The following MATN2 variants were observed in gnomAD, a reference collection of about 807,000 sequenced individuals.
MATN2 encodes matrilin 2, also known as matrilin-2.
A neutral mutation model predicts 103.2 loss-of-function variants in MATN2; 69 were observed. The observed-to-expected ratio is 0.67, with a 90% CI of 0.55 to 0.82. MATN2 has a LOEUF of 0.82. MATN2 is among the 40% of genes least tolerant of loss of function. The pLI is 0.00. For synonymous variants in MATN2, 429 were observed against 450.2 expected (o/e 0.95, Z 0.60); for missense variants, 1,023 against 1,211.5 (o/e 0.84, Z 2.31).
At position 98,007,601 on chromosome 8, in the gene MATN2, A is replaced by C; in HGVS notation, c.1573A>C (p.Lys525Gln). ...VLRSDGKTCA[K>Q]LDSCALGDHG... is the part of the protein sequence containing the mutation. Reference sequence around the variant, plus strand: ...CCGCAGCGATGGGAAGACGTGTGCAAGTAAGTGTCTGAAGGACAAGCAGGA... The same window carrying C: ...CCGCAGCGATGGGAAGACGTGTGCACGTAAGTGTCTGAAGGACAAGCAGGA... Residue 525 changes from lysine to glutamine, a missense_variant and splice_region_variant, in exon 10 of 19, where the codon AAA becomes CAA. Transcript: ENST00000254898. This position sits in a 1 kb window ranked among gnomAD's most constrained non-coding sequence, Gnocchi z 4.2. 1.2e-6 allele frequency: 2 copies of C among 1,609,034 alleles called. No individual in the cohort carries two copies. Among genetic ancestry groups the C allele is most frequent in the Non-Finnish European group, 1.7e-6 (2 of 1,175,852 alleles).
chr8:97,953,272 G>A (rs1403050871), intron 4 of MATN2, among the ~76,000 whole-genome samples: 1 of 152,114 alleles, frequency 6.6e-6, no homozygotes, highest in Non-Finnish European at 1.5e-5. Context: ...GCAAAATTTG[G>A]TTGAAGTTCA....
At chr8:97,949,796 C>T (rs1810884179) in intron 4 of MATN2, among the ~76,000 whole-genome samples, 1 of 152,216 alleles carries the variant, frequency 6.6e-6, no homozygotes, top group Non-Finnish European at 1.5e-5. Flanking sequence ...GCAATACACG[C>T]ATCCTGTATA....
At chr8:98,032,182 C>T in intron 15 of MATN2, 64 bp from the exon 16 acceptor site, 1 of 1,360,210 alleles carries the variant, frequency 7.4e-7, no homozygotes, top group East Asian at 2.4e-5. Context: ...GGACCAGCTT[C>T]CTGAAGAACA....
intron 2 of MATN2, among the ~76,000 whole-genome samples, chr8:97,889,488 T>TATATATATAA (rs1347479451): frequency 7.5e-6 from 1 of 133,356 alleles, no homozygotes; most frequent in African/African-American, 2.8e-5. Flanking sequence ...TATATATATA[T>TATATATATAA]AAAACTGATG....
At chr8:98,019,640 T>C (rs751778474) in intron 12 of MATN2, among the ~76,000 whole-genome samples, 10 of 152,162 alleles carry the variant, frequency 6.6e-5, no homozygotes, top group Non-Finnish European at 1.2e-4. Flanking sequence ...AACAGAGGGA[T>C]GTCATACGAG....
At chr8:97,911,215 A>G (rs1809419340) in intron 2 of MATN2, among the ~76,000 whole-genome samples, 1 of 150,820 alleles carries the variant, frequency 6.6e-6, no homozygotes, top group African/African-American at 2.4e-5. Context: ...CTGCTCTCGA[A>G]CTCCTGACCT....
chr8:97,894,153 T>TG (rs1563650793), intron 2 of MATN2, among the ~76,000 whole-genome samples: 1 of 152,084 alleles, frequency 6.6e-6, no homozygotes, highest in Non-Finnish European at 1.5e-5. Flanking sequence ...CCCTGCAGTC[T>TG]GGTCAGGGGA....
chr8:97,942,563 G>C (rs1468185851), intron 4 of MATN2, among the ~76,000 whole-genome samples: 1 of 152,174 alleles, frequency 6.6e-6, no homozygotes, highest in Non-Finnish European at 1.5e-5. Flanking sequence ...ACTTTTTAAA[G>C]TTATGGATAA....
intron 1 of MATN2, among the ~76,000 whole-genome samples, 177 bp downstream of exon 1, chr8:97,869,464 CAG>C (rs1009296115): frequency 6.6e-6 from 1 of 152,014 alleles, no homozygotes. Flanking sequence ...CCTCCGAGGA[CAG>C]GGGGAGAGGG....
intron 2 of MATN2, among the ~76,000 whole-genome samples, chr8:97,892,005 G>A (rs1818649457): frequency 6.6e-6 from 1 of 152,032 alleles, no homozygotes; most frequent in South Asian, 2.1e-4. Context: ...GGGAGGCTGA[G>A]GTGGGCAGAT....
Position 98,033,596 on chromosome 8 carries a change from T to G in MATN2, c.2752T>G (p.Cys918Gly). 6.2e-7 allele frequency: 1 copy of G among 1,606,092 alleles called. No individual in the cohort carries two copies. The highest frequency in any genetic ancestry group is 8.5e-7 in the Non-Finnish European group (1 of 1,176,556). ...PLEEKHDQCK[C>G]ENLIMFQNLA... ...GGAAGAAAAACACGATCAATGCAAA[T>G]GTGAAAACCTTATAATGTTCCAGAA... Residue 918 changes from cysteine (C) to glycine (G), a missense_variant, in exon 18 of 19, where the codon TGT (cysteine) becomes GGT (glycine). Transcript: ENST00000254898.
At chr8:97,990,674 G>A (rs1812363238) in intron 6 of MATN2, among the ~76,000 whole-genome samples, 1 of 152,014 alleles carries the variant, frequency 6.6e-6, no homozygotes, top group African/African-American at 2.4e-5. Context: ...ATATGAATCT[G>A]GATGAATCTC....
intron 4 of MATN2, among the ~76,000 whole-genome samples, chr8:97,958,033 G>A (rs1235954353): frequency 1.3e-5 from 2 of 152,184 alleles, no homozygotes; most frequent in South Asian, 4.1e-4. Flanking sequence ...ACCCTGTGCA[G>A]GGAAGCCTTT....
intron 2 of MATN2, among the ~76,000 whole-genome samples, chr8:97,895,945 T>C (rs951296468): frequency 9.2e-5 from 14 of 152,212 alleles, no homozygotes; most frequent in African/African-American, 3.4e-4. Context: ...GGGGCAGATA[T>C]GCGTTGGAGC....
intron 1 of MATN2, among the ~76,000 whole-genome samples, chr8:97,884,695 C>A (rs1380389194): frequency 6.6e-6 from 1 of 152,036 alleles, no homozygotes; most frequent in Non-Finnish European, 1.5e-5. Context: ...TGCTTGAACC[C>A]AGGAGGCAGA....
intron 1 of MATN2, among the ~76,000 whole-genome samples, chr8:97,871,524 G>A (rs1817898706): frequency 1.3e-5 from 2 of 152,306 alleles, no homozygotes; most frequent in South Asian, 2.1e-4. Context: ...CTGCAGGAGC[G>A]TCCCTTCCAG....
chr8:97,931,350 G>A lies in MATN2; in HGVS notation c.540G>A (p.Val180=), dbSNP rs763421246. Residue 180 remains valine, a synonymous_variant, in exon 3 of 19, where the codon GTG becomes GTA. Transcript: ENST00000254898. This position sits in a 1 kb window ranked among gnomAD's most constrained non-coding sequence, Gnocchi z 4.1. ...GACCTCAGGACTCCGTGGCCGAGGTGGCTGCTAAGGCACGGGACACGGGCA... is the reference window on the plus strand; with the variant it reads ...GACCTCAGGACTCCGTGGCCGAGGTAGCTGCTAAGGCACGGGACACGGGCA... ...DGRPQDSVAE[V]AAKARDTGIL... The A allele has an allele frequency of 4.0e-5, 64 of 1,613,810 alleles. No individual in the cohort carries two copies. The highest frequency in any genetic ancestry group is 1.3e-5 in the Non-Finnish European group (15 of 1,179,902).
chr8:97,958,471 C>A (rs1332246384), intron 4 of MATN2, among the ~76,000 whole-genome samples: 1 of 152,188 alleles, frequency 6.6e-6, no homozygotes, highest in Non-Finnish European at 1.5e-5. Context: ...TAAACACATA[C>A]GTAGTTAACA....
intron 2 of MATN2, among the ~76,000 whole-genome samples, chr8:97,890,871 A>T (rs1354587879): frequency 1.3e-5 from 2 of 152,046 alleles, no homozygotes; most frequent in African/African-American, 4.8e-5. Context: ...TCTTAGGTTA[A>T]TTTTTTTTGA....
Sources: allele counts gnomAD v4.1 joint callset (sites outside exome capture counted in the v4.1 genomes callset), GRCh38; gene constraint gnomAD v4.1.1; non-coding constraint Gnocchi (gnomAD v3.1); transcripts MANE v1.5; gene names NCBI Gene and HGNC (gene_info 2026-07-23, HGNC 2026-07-21).